The following CALN1 variants were observed in gnomAD, a reference collection of about 807,000 sequenced individuals.
CALN1 encodes the protein calneuron 1.
A neutral mutation model predicts 30.6 loss-of-function variants in CALN1; 17 were observed. The ratio of observed to expected loss-of-function variants is 0.56; its 90% CI spans 0.38 to 0.83. The LOEUF is 0.83. Ranked by LOEUF, CALN1 falls within the 40% of genes least tolerant of loss-of-function variation. CALN1 has a pLI of 0.00. For missense variants in CALN1, 291 were observed against 354.9 expected (o/e 0.82, Z 1.45); for synonymous variants, 156 against 131.4 (o/e 1.19, Z -1.28).
intron 4 of CALN1, among the ~76,000 whole-genome samples, chr7:72,041,131 A>C (rs906632266): frequency 6.6e-6 from 1 of 152,168 alleles, no homozygotes; most frequent in Non-Finnish European, 1.5e-5. Flanking sequence ...GTTGCACTCT[A>C]CATAAGAGGC....
chr7:71,936,431 G>GA (rs1795839774), intron 5 of CALN1, among the ~76,000 whole-genome samples: 1 of 148,880 alleles, frequency 6.7e-6, no homozygotes, highest in South Asian at 2.1e-4. Context: ...GATGAGCGTA[G>GA]AGCCTTGCTT....
intron 5 of CALN1, among the ~76,000 whole-genome samples, chr7:71,895,108 C>T (rs530742094): frequency 6.6e-6 from 1 of 152,188 alleles, no homozygotes; most frequent in East Asian, 1.9e-4. Flanking sequence ...GGGTACATCA[C>T]CACGTCCAGC....
At chr7:72,254,524 G>A (rs943300426) in intron 3 of CALN1, among the ~76,000 whole-genome samples, 2 of 152,132 alleles carry the variant, frequency 1.3e-5, no homozygotes, top group African/African-American at 4.8e-5. Context: ...CTGTCTCTAT[G>A]AAGACAAATG....
Position 72,363,289 on chromosome 7 carries a change from AGTGCAGT to A in CALN1, c.119+39955_119+39961del, listed in dbSNP as rs528743714. On this transcript the variant is annotated intron_variant, in intron 2 of 6. Coordinates refer to ENST00000395275, the MANE Select transcript of CALN1 (RefSeq NM_031468.4). The stretch of plus-strand genomic sequence containing the variant: ...AGTCTCGCTCTGTTGCCTAGGCTGG[AGTGCAGT>A]GGCGTGATCTCGGCTCATTGCAACC... Among the ~76,000 whole-genome samples, 338 of 152,256 alleles carry A rather than the reference AGTGCAGT, an allele frequency of 2.2e-3. 2 individuals are homozygous for A. The highest frequency in any genetic ancestry group is 0.012 in the South Asian group (58 of 4,830).
At chr7:72,357,285 A>G (rs917957689) in intron 2 of CALN1, among the ~76,000 whole-genome samples, 4 of 151,872 alleles carry the variant, frequency 2.6e-5, no homozygotes, top group African/African-American at 9.7e-5. Context: ...CCCGACCCCA[A>G]GCTGAGATCT....
chr7:72,383,244 G>A (rs1054983127), intron 2 of CALN1, among the ~76,000 whole-genome samples: 1 of 152,142 alleles, frequency 6.6e-6, no homozygotes, highest in Non-Finnish European at 1.5e-5. Flanking sequence ...GTGTCTTCCT[G>A]GCAGAACAAT....
chr7:72,071,542 G>A, intron 4 of CALN1, among the ~76,000 whole-genome samples: 1 of 152,188 alleles, frequency 6.6e-6, no homozygotes, highest in African/African-American at 2.4e-5. Context: ...TGCAGGCTCA[G>A]AAAAGACCTG....
chr7:72,406,084 G>A (rs1008561346), intron 1 of CALN1, among the ~76,000 whole-genome samples: 1 of 152,134 alleles, frequency 6.6e-6, no homozygotes, highest in Non-Finnish European at 1.5e-5. Flanking sequence ...CCCTCACTGC[G>A]GCACTCGCGA....
intron 2 of CALN1, among the ~76,000 whole-genome samples, chr7:72,310,633 G>A (rs1407748539): frequency 6.6e-6 from 1 of 151,966 alleles, no homozygotes. Context: ...GCCAGGCATG[G>A]TGGCTCATGC....
intron 2 of CALN1, among the ~76,000 whole-genome samples, chr7:72,373,550 T>C (rs1019682237): frequency 2.0e-5 from 3 of 152,204 alleles, no homozygotes; most frequent in African/African-American, 4.8e-5. Context: ...CACTTTATTA[T>C]AAAATAGGCT....
intron 3 of CALN1, among the ~76,000 whole-genome samples, chr7:72,220,727 T>C (rs916879921): frequency 5.9e-5 from 9 of 151,952 alleles, no homozygotes; most frequent in Admixed American, 1.3e-4. Context: ...TTTTTAATGA[T>C]TGCCATTCTA....
At chr7:72,080,831 T>C (rs1563040004) in intron 4 of CALN1, among the ~76,000 whole-genome samples, 1 of 152,110 alleles carries the variant, frequency 6.6e-6, no homozygotes, top group Non-Finnish European at 1.5e-5. Context: ...GGGAAGCTGA[T>C]GGCTGTTCTC....
intron 5 of CALN1, among the ~76,000 whole-genome samples, chr7:71,974,449 A>G (rs1400804096): frequency 1.2e-4 from 18 of 150,658 alleles, no homozygotes; most frequent in Admixed American, 1.1e-3. Flanking sequence ...AAAAGGAAAA[A>G]GAAAAAGAAA....
Position 72,117,159 on chromosome 7 carries a change from A to G in CALN1, c.245-10865T>C, listed in dbSNP as rs1400472858. 2.0e-5 allele frequency among the ~76,000 whole-genome samples: 3 copies of G among 152,234 alleles called. No homozygotes were observed. In the East Asian group the frequency reaches 5.8e-4, roughly 30 times the overall value. On this transcript the variant is annotated intron_variant, in intron 3 of 6. Coordinates refer to ENST00000395275, the MANE Select transcript of CALN1 (RefSeq NM_031468.4). ...GAGACCCCATCTCTACAAAAAATTA[A>G]AAACCAAATTAACCAGGTGTATTGG...
At chr7:71,944,594 C>CAAAAAAAAAAAA (rs10677940) in intron 5 of CALN1, among the ~76,000 whole-genome samples, 9 of 60,020 alleles carry the variant, frequency 1.5e-4, no homozygotes, top group African/African-American at 2.0e-4. Context: ...AACTCCATCC[C>CAAAAAAAAAAAA]AAAAAAAAAA....
intron 3 of CALN1, among the ~76,000 whole-genome samples, chr7:72,153,946 C>G (rs192193104): frequency 2.6e-5 from 4 of 152,228 alleles, no homozygotes; most frequent in East Asian, 3.9e-4. Context: ...TCCAAGGCAG[C>G]CTGAACCACT....
At chr7:72,218,122 G>A (rs1295049984) in intron 3 of CALN1, among the ~76,000 whole-genome samples, 8 of 151,540 alleles carry the variant, frequency 5.3e-5, no homozygotes, top group South Asian at 2.1e-4. Flanking sequence ...GATTACAGGC[G>A]TGAGCCACCC....
chr7:71,843,107 CAT>C (rs1388436014), intron 5 of CALN1, among the ~76,000 whole-genome samples: 1 of 152,078 alleles, frequency 6.6e-6, no homozygotes, highest in African/African-American at 2.4e-5. Context: ...GTAGGTGAAA[CAT>C]ATAATTGATA....
chr7:72,382,510 A>G (rs1804963371), intron 2 of CALN1, among the ~76,000 whole-genome samples: 1 of 152,138 alleles, frequency 6.6e-6, no homozygotes, highest in Admixed American at 6.5e-5. Flanking sequence ...TGCAGGTTAC[A>G]TGGGTATATT....
Sources: allele counts gnomAD v4.1 joint callset (sites outside exome capture counted in the v4.1 genomes callset), GRCh38; gene constraint gnomAD v4.1.1; transcripts MANE v1.5; gene names NCBI Gene and HGNC (gene_info 2026-07-23, HGNC 2026-07-21).